Variants in MGA observed in about 807,000 individuals in gnomAD.
The protein encoded by MGA is MAX gene-associated protein.
Under a neutral mutation model 261.1 loss-of-function variants are expected in MGA, and 40 were observed. That is an observed-to-expected ratio of 0.15 (90% confidence interval 0.12 to 0.20). MGA has a LOEUF of 0.20. Among genes scored for constraint, MGA ranks in the 10% least tolerant of loss-of-function variants. MGA has a pLI of 1.00. For missense variants in MGA, 3,397 were observed against 3,630.5 expected (o/e 0.94, Z 1.65); for synonymous variants, 1,302 against 1,290.6 (o/e 1.01, Z -0.19).
chr15:41,715,855 C>T (rs919325846), intron 9 of MGA, among the ~76,000 whole-genome samples: 2 of 150,354 alleles, frequency 1.3e-5, no homozygotes, highest in African/African-American at 2.5e-5. Context: ...TAGTTCTACC[C>T]ATATCTCCTT....
chr15:41,710,572 A>AAT, intron 7 of MGA, 119 bp from the exon 8 acceptor site: 1 of 1,026,094 alleles, frequency 9.7e-7, no homozygotes, highest in South Asian at 1.7e-5. Flanking sequence ...CAGCTAAGGG[A>AAT]TAGTTTAGAA....
chr15:41,659,683 A>G (rs1393867358), upstream of MGA, among the ~76,000 whole-genome samples: 1 of 152,212 alleles, frequency 6.6e-6, no homozygotes, highest in East Asian at 1.9e-4. Context: ...AAATGTCTTG[A>G]AGAAACAAAA....
chr15:41,736,467 A>T lies in MGA; in HGVS notation c.4203A>T (p.Ser1401=). ...CTCGTGTGAAAATCTCTATGCCATCATGTCAAGACCAAGATGATATGGCTG... is the reference window on the plus strand; with the variant it reads ...CTCGTGTGAAAATCTCTATGCCATCTTGTCAAGACCAAGATGATATGGCTG... The change falls in exon 13 of 24, where the codon TCA becomes TCT. Residue 1401 remains serine, a synonymous_variant. Transcript: ENST00000219905. 1 of 1,614,056 alleles carries T rather than the reference A, an allele frequency of 6.2e-7. No individual in the cohort carries two copies. The highest frequency in any genetic ancestry group is 1.7e-5 in the Admixed American group (1 of 60,032).
intron 5 of MGA, among the ~76,000 whole-genome samples, chr15:41,700,041 GT>G (rs763919635): frequency 0.045 from 4,613 of 101,432 alleles, 76 homozygotes; most frequent in African/African-American, 0.12. Flanking sequence ...TGTCATCGAG[GT>G]TTTTTTTTTT....
Position 41,742,725 on chromosome 15 carries a change from G to A in MGA, c.4765G>A (p.Val1589Met), listed in dbSNP as rs761853765. ...TGTGGTTTCTTCTGAGCCAGTTCAG[G>A]TGTGCAGCCCTGTGACTGCTGCTGT... The change falls in exon 15 of 24, where the codon GTG (valine) becomes ATG (methionine). Residue 1589 changes from valine (V) to methionine (M), a missense_variant. This residue lies in a region of MGA where 1,410 missense variants were observed against 1,386.4 expected (regional missense o/e 1.02). Coordinates refer to ENST00000219905, the MANE Select transcript of MGA (RefSeq NM_001164273.2). The A allele has an allele frequency of 6.2e-7, 1 of 1,613,988 alleles. No individual in the cohort carries two copies. Among genetic ancestry groups the A allele is most frequent in the South Asian group, 1.1e-5 (1 of 91,080 alleles).
intron 13 of MGA, among the ~76,000 whole-genome samples, chr15:41,737,837 C>A (rs147344897): frequency 5.9e-5 from 9 of 151,638 alleles, no homozygotes; most frequent in African/African-American, 2.2e-4. Flanking sequence ...AAAGTTAGCC[C>A]GGCGTGGTGG....
upstream of MGA, among the ~76,000 whole-genome samples, chr15:41,656,339 CTCTCTT>C (rs1566936415): frequency 2.3e-4 from 10 of 43,530 alleles, no homozygotes; most frequent in African/African-American, 4.2e-4. Context: ...TCTCCCTCTC[CTCTCTT>C]CTCTCTCTCT....
At chr15:41,748,036 C>T (rs1015299007) in intron 15 of MGA, among the ~76,000 whole-genome samples, 1 of 152,168 alleles carries the variant, frequency 6.6e-6, no homozygotes, top group African/African-American at 2.4e-5. Context: ...ATGGCAGGAT[C>T]ACTTGAGGCC....
intron 2 of MGA, among the ~76,000 whole-genome samples, chr15:41,673,539 T>TC (rs2058195382): frequency 1.5e-5 from 2 of 131,654 alleles, no homozygotes; most frequent in African/African-American, 5.2e-5. Flanking sequence ...TTTCTTTCTT[T>TC]CTTTTTTTTT....
intron 1 of MGA, among the ~76,000 whole-genome samples, chr15:41,641,428 T>C (rs1296302343): frequency 6.6e-6 from 1 of 151,984 alleles, no homozygotes; most frequent in Non-Finnish European, 1.5e-5. Context: ...AGAGTACCTA[T>C]ACTATTTTAT....
At chr15:41,764,197 C>T (rs568943961) in intron 22 of MGA, among the ~76,000 whole-genome samples, 1 of 150,736 alleles carries the variant, frequency 6.6e-6, no homozygotes, top group Non-Finnish European at 1.5e-5. Flanking sequence ...TTCTTTTTTA[C>T]TCTTTAAATG....
At chr15:41,737,679 TAGTC>T (rs2061861879) in intron 13 of MGA, among the ~76,000 whole-genome samples, 1 of 152,182 alleles carries the variant, frequency 6.6e-6, no homozygotes. Flanking sequence ...ATTAATGTCA[TAGTC>T]AGAAAAGGTT....
chr15:41,679,839 G>A (rs915889556), intron 2 of MGA, among the ~76,000 whole-genome samples: 12 of 152,010 alleles, frequency 7.9e-5, no homozygotes, highest in Non-Finnish European at 1.6e-4. Flanking sequence ...TTGACAATTT[G>A]AATATGTTTT....
In MGA at chr15:41,669,737, G is replaced by C. The variant is rs750344587; in HGVS notation, c.843G>C (p.Gly281=). ...AAAAGAACAGCTCTGACCAAGAAGGGAATAATATTTCCAGTTCTTCTGGTC... is the reference window on the plus strand; with the variant it reads ...AAAAGAACAGCTCTGACCAAGAAGGCAATAATATTTCCAGTTCTTCTGGTC... Residue 281 remains glycine, a synonymous_variant, in exon 2 of 24, where the codon GGG becomes GGC. Coordinates refer to ENST00000219905, the MANE Select transcript of MGA (RefSeq NM_001164273.2). The C allele has an allele frequency of 6.0e-5, 97 of 1,613,518 alleles. No homozygotes were observed. The highest frequency in any genetic ancestry group is 8.1e-5 in the Non-Finnish European group (96 of 1,179,726).
intron 9 of MGA, among the ~76,000 whole-genome samples, chr15:41,726,860 T>C (rs1239770825): frequency 6.6e-6 from 1 of 152,178 alleles, no homozygotes; most frequent in Non-Finnish European, 1.5e-5. Context: ...TTACTTGATA[T>C]TATATATTTA....
chr15:41,721,694 C>T (rs538004481), intron 9 of MGA, among the ~76,000 whole-genome samples: 8 of 152,256 alleles, frequency 5.3e-5, no homozygotes, highest in Admixed American at 2.0e-4. Context: ...TCATTACAAG[C>T]CTCTACTAAT....
chr15:41,681,934 C>G (rs192709262), intron 2 of MGA, among the ~76,000 whole-genome samples: 1 of 151,076 alleles, frequency 6.6e-6, no homozygotes, highest in Non-Finnish European at 1.5e-5. Flanking sequence ...TTTGTTTTTC[C>G]GAGATGGAGT....
At chr15:41,717,528 G>T (rs2060705550) in intron 9 of MGA, among the ~76,000 whole-genome samples, 1 of 152,090 alleles carries the variant, frequency 6.6e-6, no homozygotes, top group Admixed American at 6.6e-5. Context: ...GAACTCAGAT[G>T]AAATGGAAAA....
upstream of MGA, among the ~76,000 whole-genome samples, chr15:41,659,255 A>G (rs898307910): frequency 6.6e-6 from 1 of 152,222 alleles, no homozygotes; most frequent in Non-Finnish European, 1.5e-5. Context: ...AGCAAAGTGT[A>G]GAGAAATATG....
Sources: gnomAD v4.1 joint callset for allele counts (sites outside exome capture counted in the v4.1 genomes callset) on GRCh38, gnomAD v4.1.1 for gene constraint, gnomAD v4.1.1 regional missense constraint, MANE v1.5 for transcripts, NCBI Gene and HGNC (gene_info 2026-07-23, HGNC 2026-07-21) for gene names.